ABCA12: variants seen among roughly 807,000 people sequenced by gnomAD.
ABCA12 encodes glucosylceramide transporter ABCA12.
ABCA12 carries 156 observed loss-of-function variants against 293.5 expected under a neutral mutation model. The observed-to-expected ratio is 0.53, with a 90% CI of 0.47 to 0.61. The LOEUF is 0.61. Ranked by LOEUF, ABCA12 falls within the 20% of genes least tolerant of loss-of-function variation. ABCA12 has a pLI of 0.00. For missense variants in ABCA12, 2,797 were observed against 3,090.2 expected (o/e 0.91, Z 2.25); for synonymous variants, 1,063 against 1,108.0 (o/e 0.96, Z 0.81).
At chr2:214,969,267 T>G (rs1699334018) in intron 37 of ABCA12, among the ~76,000 whole-genome samples, 1 of 152,076 alleles carries the variant, frequency 6.6e-6, no homozygotes, top group Admixed American at 6.6e-5. Flanking sequence ...ACATTTTTTC[T>G]CCCTGAATAT....
At chr2:215,113,150 C>G (rs914714826) in intron 1 of ABCA12, among the ~76,000 whole-genome samples, 1 of 152,188 alleles carries the variant, frequency 6.6e-6, no homozygotes, top group Non-Finnish European at 1.5e-5. Context: ...CCAAAGCAAT[C>G]CAAACCCCAT....
intron 1 of ABCA12, among the ~76,000 whole-genome samples, chr2:215,116,623 T>C (rs866402340): frequency 6.6e-6 from 1 of 152,146 alleles, no homozygotes; most frequent in African/African-American, 2.4e-5. Flanking sequence ...TCTATGCTGA[T>C]GGAAACAAAC....
In ABCA12 at chr2:215,004,254, C is replaced by T. The variant is rs146002078; in HGVS notation, c.2638G>A (p.Val880Met). The change falls in exon 20 of 53, where the codon GTG (valine) becomes ATG (methionine). Residue 880 changes from valine (V) to methionine (M), a missense_variant. Coordinates refer to ENST00000272895, the MANE Select transcript of ABCA12 (RefSeq NM_173076.3). The stretch of plus-strand genomic sequence containing the variant: ...AATAGTTCAACAGCATCGAGTCCCA[C>T]GGAGAACTTTACAAAAACTTGCACA... ...PFVQVFVKFSVGLDAVELLKQ... is the reference protein window; with the variant it reads ...PFVQVFVKFSMGLDAVELLKQ... 5.1e-5 allele frequency: 82 copies of T among 1,613,736 alleles called. No homozygotes were observed. Among genetic ancestry groups the T allele is most frequent in the African/African-American group, 1.3e-4 (10 of 74,904 alleles).
intron 3 of ABCA12, among the ~76,000 whole-genome samples, chr2:215,055,870 C>T (rs768296560): frequency 6.6e-6 from 1 of 151,986 alleles, no homozygotes; most frequent in African/African-American, 2.4e-5. Context: ...ATGCTGACTA[C>T]GTGATGGGAA....
At chr2:215,031,718 A>T in intron 9 of ABCA12, 103 bp downstream of exon 9, 1 of 1,427,160 alleles carries the variant, frequency 7.0e-7, no homozygotes, top group Non-Finnish European at 9.8e-7. Flanking sequence ...TGATTTTTCT[A>T]TTCCATGCTT....
rs769116615 is a variant in ABCA12, at chr2:214,948,641, A to G, written c.7059T>C (p.Tyr2353=). 6.2e-7 allele frequency: 1 copy of G among 1,614,130 alleles called. No individual in the cohort carries two copies. The highest frequency in any genetic ancestry group is 1.7e-5 in the Admixed American group (1 of 60,022). ...DDLVTVEEHL[Y]FYARVHGIPE... ...GAATTCCATGTACCCTGGCATAGAA[A>G]TACAAATGTTCTTCCACAGTTACCA... is the stretch of plus-strand genomic sequence containing the variant. Residue 2353 remains tyrosine (Y), a synonymous_variant, in exon 47 of 53, where the codon TAT becomes TAC. Coordinates refer to ENST00000272895, the MANE Select transcript of ABCA12 (RefSeq NM_173076.3).
At chr2:215,008,078 C>T (rs1384939888) in intron 18 of ABCA12, among the ~76,000 whole-genome samples, 4 of 152,094 alleles carry the variant, frequency 2.6e-5, no homozygotes, top group Non-Finnish European at 5.9e-5. Context: ...GATTCATGTC[C>T]AGAGTGAGTT....
intron 1 of ABCA12, among the ~76,000 whole-genome samples, chr2:215,124,549 C>T (rs538749718): frequency 2.6e-5 from 4 of 152,104 alleles, no homozygotes; most frequent in Non-Finnish European, 5.9e-5. Context: ...TTTCCCTGAT[C>T]ATTAGTAATG....
At chr2:215,078,715 C>A (rs1484721996) in intron 2 of ABCA12, among the ~76,000 whole-genome samples, 1 of 152,114 alleles carries the variant, frequency 6.6e-6, no homozygotes, top group Non-Finnish European at 1.5e-5. Context: ...ACTGTTTCTA[C>A]CCTTAGTGAG....
intron 1 of ABCA12, among the ~76,000 whole-genome samples, chr2:215,123,294 C>T (rs566104129): frequency 6.6e-6 from 1 of 152,242 alleles, no homozygotes; most frequent in South Asian, 2.1e-4. Flanking sequence ...GCCTCAGCCT[C>T]CCAAGTAGCT....
At chr2:215,133,325 A>C (rs1426730773) in intron 1 of ABCA12, among the ~76,000 whole-genome samples, 1 of 151,202 alleles carries the variant, frequency 6.6e-6, no homozygotes, top group African/African-American at 2.4e-5. Flanking sequence ...AGATTGGGGA[A>C]ATTTTCTTGA....
At chr2:214,941,137 G>A (rs577850568) in intron 50 of ABCA12, among the ~76,000 whole-genome samples, 2 of 152,272 alleles carry the variant, frequency 1.3e-5, no homozygotes, top group South Asian at 4.1e-4. Context: ...TGCTTTAGCT[G>A]TGTTCCAGTG....
At chr2:215,113,157 C>T (rs983393531) in intron 1 of ABCA12, among the ~76,000 whole-genome samples, 2 of 152,132 alleles carry the variant, frequency 1.3e-5, no homozygotes, top group African/African-American at 4.8e-5. Flanking sequence ...AATCCAAACC[C>T]CATGAATTAC....
intron 1 of ABCA12, among the ~76,000 whole-genome samples, chr2:215,118,275 G>A (rs1052189590): frequency 2.0e-5 from 3 of 152,066 alleles, no homozygotes; most frequent in South Asian, 2.1e-4. Context: ...GGTGGCACAC[G>A]CTTTTAGTCT....
At position 214,978,871 on chromosome 2, in the gene ABCA12, G is replaced by A; in HGVS notation, c.4910C>T (p.Ala1637Val). The change falls in exon 32 of 53, where the codon GCA (alanine) becomes GTA (valine). Residue 1637 changes from alanine to valine, a missense_variant. Physicochemically the swap from Ala to Val is moderately conservative, Grantham distance 64. This residue lies in a region of ABCA12 where 2,130 missense variants were observed against 2,427.0 expected (regional missense o/e 0.88). Transcript: ENST00000272895. ...GAGGTCACCCATGCCATTGTCGAGTGCCCGTAGGAGTGACAGGTAGGCCCC... is the reference window on the plus strand; with the variant it reads ...GAGGTCACCCATGCCATTGTCGAGTACCCGTAGGAGTGACAGGTAGGCCCC... ...VSGAYLSLLR[A>V]LDNGMGDLNI... The A allele has an allele frequency of 2.5e-6, 4 of 1,614,096 alleles. No homozygotes were observed. Among genetic ancestry groups the A allele is most frequent in the Non-Finnish European group, 3.4e-6 (4 of 1,179,972 alleles).
chr2:215,013,115 G>T (rs12472692), intron 15 of ABCA12: 113,132 of 152,052 alleles, frequency 0.74, 46,561 homozygotes, highest in East Asian at 0.95. Context: ...GCTATGCAGT[G>T]GTGCTGAAGC....
At chr2:214,949,755 G>C (rs1698695612) in intron 45 of ABCA12, among the ~76,000 whole-genome samples, 1 of 152,060 alleles carries the variant, frequency 6.6e-6, no homozygotes, top group Admixed American at 6.6e-5. Flanking sequence ...ATGTTTTTTG[G>C]GGAGGACTGG....
At chr2:214,939,888 T>TA (rs1698341532) in intron 50 of ABCA12, among the ~76,000 whole-genome samples, 1 of 152,190 alleles carries the variant, frequency 6.6e-6, no homozygotes, top group African/African-American at 2.4e-5. Flanking sequence ...TTTCTAAAAA[T>TA]ACAGTCACGT....
chr2:215,122,490 CAA>C (rs1318147760), intron 1 of ABCA12, among the ~76,000 whole-genome samples: 1 of 152,126 alleles, frequency 6.6e-6, no homozygotes, highest in African/African-American at 2.4e-5. Flanking sequence ...AATTCTGAAG[CAA>C]AGTTTTCCTC....
Sources: allele counts gnomAD v4.1 joint callset (sites outside exome capture counted in the v4.1 genomes callset), GRCh38; gene constraint gnomAD v4.1.1; regional missense constraint gnomAD v4.1.1; transcripts MANE v1.5; gene names NCBI Gene and HGNC (gene_info 2026-07-23, HGNC 2026-07-21).